Variants in ABCC1 observed in about 807,000 individuals in gnomAD.
ABCC1 encodes the protein multidrug resistance-associated protein 1.
A neutral mutation model predicts 172.9 loss-of-function variants in ABCC1; 83 were observed. The ratio of observed to expected loss-of-function variants is 0.48; its 90% CI spans 0.40 to 0.58. ABCC1 has a LOEUF of 0.58. Among genes scored for constraint, ABCC1 ranks in the 20% least tolerant of loss-of-function variants. The pLI is 0.00. For missense variants in ABCC1, 1,817 were observed against 2,002.7 expected, an observed-to-expected ratio of 0.91 and a Z score of 1.77; for synonymous variants, 937 against 825.2, an observed-to-expected ratio of 1.14 and a Z score of -2.32.
intron 24 of ABCC1, among the ~76,000 whole-genome samples, chr16:16,122,891 A>C (rs1006489501): frequency 2.0e-5 from 3 of 151,980 alleles, no homozygotes; most frequent in African/African-American, 4.8e-5. Context: ...CTCTGGAAAA[A>C]CAAAAAAAGG....
At chr16:15,959,876 G>C (rs940131637) in intron 1 of ABCC1, among the ~76,000 whole-genome samples, 16 of 152,068 alleles carry the variant, frequency 1.1e-4, no homozygotes, top group African/African-American at 3.6e-4. Flanking sequence ...CTTCCTCTCT[G>C]TGAGTTTTCT....
chr16:15,973,057 A>G (rs2046404936), intron 1 of ABCC1, among the ~76,000 whole-genome samples: 1 of 152,052 alleles, frequency 6.6e-6, no homozygotes, highest in South Asian at 2.1e-4. Context: ...AGCCTCCCAA[A>G]GTGCTGGGAT....
At chr16:16,004,927 A>T (rs1453567417) in intron 1 of ABCC1, among the ~76,000 whole-genome samples, 1 of 151,976 alleles carries the variant, frequency 6.6e-6, no homozygotes, top group Non-Finnish European at 1.5e-5. Context: ...GGCCTCCCAA[A>T]GTGCTGGGAT....
rs750598195 is a variant in ABCC1, at chr16:16,131,777, C to G, written c.3820-12C>G. The G allele has an allele frequency of 1.2e-6, 2 of 1,612,698 alleles. No homozygotes were observed. Among genetic ancestry groups the G allele is most frequent in the Non-Finnish European group, 1.7e-6 (2 of 1,179,408 alleles). ...GGAAATTCCTTACTCTCTCCCTTCACTGCGATCGAAGGCGCCCTGGCAAAT... is the reference window on the plus strand; with the variant it reads ...GGAAATTCCTTACTCTCTCCCTTCAGTGCGATCGAAGGCGCCCTGGCAAAT... On this transcript the variant is annotated splice_polypyrimidine_tract_variant and intron_variant, in intron 26 of 30. Coordinates refer to ENST00000399410, the MANE Select transcript of ABCC1 (RefSeq NM_004996.4).
rs1445528718 is a variant in ABCC1 at position 16,014,617 on chromosome 16, G to A, written c.478G>A (p.Ala160Thr). The change falls in exon 4 of 31, where the codon GCC (alanine) becomes ACC (threonine). Residue 160 changes from alanine (A) to threonine (T), a missense_variant. Around this residue, in one of 3 missense-constraint regions of ABCC1, gnomAD observed 398 missense variants for 384.2 expected, o/e 1.04. Transcript: ENST00000399410. ...LAILRSKIMT[A>T]LKEDAQVDLF... ...CATCCTGAGATCCAAAATTATGACA[G>A]CCTTAAAAGAGGTAAGTGGCAGTCT... The A allele has an allele frequency of 5.0e-6, 8 of 1,613,672 alleles. No homozygotes were observed. The highest frequency in any genetic ancestry group is 6.8e-6 in the Non-Finnish European group (8 of 1,179,976).
chr16:15,972,599 C>G (rs1271581686), intron 1 of ABCC1, among the ~76,000 whole-genome samples: 1 of 152,080 alleles, frequency 6.6e-6, no homozygotes, highest in African/African-American at 2.4e-5. Flanking sequence ...TCTTCAAAGG[C>G]TCTTCTGTCC....
chr16:16,053,974 GTT>G (rs75995062), intron 11 of ABCC1, among the ~76,000 whole-genome samples: 1 of 144,036 alleles, frequency 6.9e-6, no homozygotes. Flanking sequence ...ATATATGTGG[GTT>G]TTTTTTTTTG....
rs10526186 is a variant in ABCC1 at position 16,053,774 on chromosome 16, C to CAA, written c.1473+997_1473+998dup. On this transcript the variant is annotated intron_variant, in intron 11 of 30. Coordinates refer to ENST00000399410, the MANE Select transcript of ABCC1 (RefSeq NM_004996.4). ...TGCACAACAGAGTGAGACCCTGTCT[C>CAA]AAAAAAAAAAAAAAAAAAAAAAAAA... Among the ~76,000 whole-genome samples, 168 of 36,206 alleles carry CAA rather than the reference C, an allele frequency of 4.6e-3. 43 individuals are homozygous for CAA. The highest frequency in any genetic ancestry group is 9.0e-3 in the Non-Finnish European group (126 of 14,006). 23.8% of individuals were successfully genotyped at this position (36,206 alleles called of 152,430 possible). A position where few individuals can be genotyped will look rare whatever the true frequency, so the allele number is the denominator to read the frequency against.
At chr16:16,127,607 C>G (rs1567435720) in intron 26 of ABCC1, among the ~76,000 whole-genome samples, 1 of 152,206 alleles carries the variant, frequency 6.6e-6, no homozygotes, top group East Asian at 1.9e-4. Context: ...AATGGCAGAC[C>G]TAGGCGTTGA....
intron 1 of ABCC1, among the ~76,000 whole-genome samples, chr16:15,959,039 G>A (rs1037148016): frequency 3.9e-5 from 6 of 152,158 alleles, no homozygotes; most frequent in Non-Finnish European, 5.9e-5. Flanking sequence ...AGCCACTGGT[G>A]TGGAGGAATA....
At chr16:16,033,081 T>C in intron 5 of ABCC1, 28 bp from the exon 6 acceptor site, 1 of 1,610,660 alleles carries the variant, frequency 6.2e-7, no homozygotes, top group Non-Finnish European at 8.5e-7. Context: ...TCCCTCTTCC[T>C]CCCAAACCTG....
chr16:16,104,917 C>A (rs2052001730), intron 20 of ABCC1, among the ~76,000 whole-genome samples: 1 of 152,150 alleles, frequency 6.6e-6, no homozygotes, highest in South Asian at 2.1e-4. Context: ...CCCGGCAGCT[C>A]TGAGTGCGGG....
chr16:16,036,390 C>A, intron 6 of ABCC1, 82 bp from the exon 7 acceptor site: 1 of 1,332,276 alleles, frequency 7.5e-7, no homozygotes. Flanking sequence ...CATCAGCAGG[C>A]GTGTGGAGTG....
chr16:16,115,104 A>T (rs1465046831), intron 23 of ABCC1, 28 bp downstream of exon 23: 7 of 1,604,898 alleles, frequency 4.4e-6, no homozygotes, highest in Non-Finnish European at 5.1e-6. Flanking sequence ...AGTGTTCGGG[A>T]CAAGCCCTAC....
intron 26 of ABCC1, among the ~76,000 whole-genome samples, chr16:16,131,062 A>G (rs1169109285): frequency 6.6e-6 from 1 of 152,182 alleles, no homozygotes; most frequent in Non-Finnish European, 1.5e-5. Flanking sequence ...CAGGGGTTGC[A>G]GTGAGCTGAG....
chr16:16,005,788 T>C lies in ABCC1; in HGVS notation c.49-2028T>C, dbSNP rs578262640. Among the ~76,000 whole-genome samples the C allele has an allele frequency of 3.3e-5, 5 of 152,278 alleles. No individual in the cohort carries two copies. In the South Asian group the frequency reaches 1.0e-3, roughly 32 times the overall value. ...GACTGGCCAATATGGTAAAACCTTG[T>C]CTTTACTAAAAATTCAAAAAAAATT... is the stretch of plus-strand genomic sequence containing the variant. On this transcript the variant is annotated intron_variant, in intron 1 of 30. Transcript: ENST00000399410.
chr16:16,071,935 C>T (rs1474129229), intron 14 of ABCC1, among the ~76,000 whole-genome samples: 1 of 152,192 alleles, frequency 6.6e-6, no homozygotes, highest in Non-Finnish European at 1.5e-5. Context: ...TCCTGTCTCA[C>T]ACTTCCCAGG....
intron 1 of ABCC1, among the ~76,000 whole-genome samples, chr16:15,998,656 C>A (rs1273109034): frequency 6.6e-6 from 1 of 152,210 alleles, no homozygotes; most frequent in Non-Finnish European, 1.5e-5. Context: ...GAGCAGGAAG[C>A]TAGCCTGTGC....
intron 1 of ABCC1, among the ~76,000 whole-genome samples, chr16:16,000,313 T>G (rs1343985372): frequency 6.6e-6 from 1 of 152,024 alleles, no homozygotes; most frequent in Non-Finnish European, 1.5e-5. Context: ...GCCTGGCTAA[T>G]TTTTGTGTTT....
Sources: allele counts gnomAD v4.1 joint callset (sites outside exome capture counted in the v4.1 genomes callset), GRCh38; gene constraint gnomAD v4.1.1; regional missense constraint gnomAD v4.1.1; transcripts MANE v1.5; gene names NCBI Gene and HGNC (gene_info 2026-07-23, HGNC 2026-07-21).